PSME2: variants seen among roughly 807,000 people sequenced by gnomAD.
PSME2 encodes the protein proteasome activator subunit 2.
PSME2 carries 20 observed loss-of-function variants against 38.8 expected under a neutral mutation model. The ratio of observed to expected loss-of-function variants is 0.52; its 90% CI spans 0.36 to 0.75. The LOEUF (loss-of-function observed/expected upper bound fraction) is 0.75. Ranked by LOEUF, PSME2 falls within the 30% of genes least tolerant of loss-of-function variation. The probability of loss-of-function intolerance (pLI) is 0.00; values close to 1 mark genes in which losing one functional copy is unlikely to be tolerated. For synonymous variants in PSME2, 82 were observed against 102.5 expected (o/e 0.80, Z 1.21); for missense variants, 227 against 287.6 (o/e 0.79, Z 1.52).
At chr14:24,144,644 T>C (rs2038123664) in intron 6 of PSME2, 176 bp from the exon 7 acceptor site, 4 of 681,496 alleles carry the variant, frequency 5.9e-6, no homozygotes, top group Non-Finnish European at 5.0e-6. Flanking sequence ...GTATTTATTG[T>C]ACCCATTTAA....
chr14:24,145,200 G>C (rs921245506), intron 5 of PSME2, 43 bp downstream of exon 5: 7 of 1,612,292 alleles, frequency 4.3e-6, no homozygotes, highest in Non-Finnish European at 5.9e-6. Flanking sequence ...CCAGTAGTCA[G>C]TGTGCCATCA....
At chr14:24,146,262 G>A (rs373543853) in intron 1 of PSME2, 22 bp from the exon 2 acceptor site, 3 of 1,613,480 alleles carry the variant, frequency 1.9e-6, no homozygotes, top group Non-Finnish European at 1.7e-6. Context: ...GCAGTACCCG[G>A]ATGTTGGTTA....
intron 3 of PSME2, 47 bp downstream of exon 3, chr14:24,145,663 G>C: frequency 6.4e-7 from 1 of 1,573,964 alleles, no homozygotes. Flanking sequence ...GGTGGGCAAA[G>C]GGGATAGAGG....
At chr14:24,144,054 A>G (rs1566609129) in intron 8 of PSME2, 25 bp from the exon 9 acceptor site, 1 of 1,613,060 alleles carries the variant, frequency 6.2e-7, no homozygotes, top group South Asian at 1.1e-5. Context: ...GGAATACCAC[A>G]GGAATGAGTG....
chr14:24,145,475 G>A lies in PSME2; in HGVS notation c.145-10C>T. The A allele has an allele frequency of 6.5e-7, 1 of 1,545,704 alleles. No homozygotes were observed. The highest frequency in any genetic ancestry group is 8.7e-7 in the Non-Finnish European group (1 of 1,147,742). ...CATTGAGGGAGTCCTCCTGCACAGA[G>A]CTCACTGTCAAGGGCTGCCCAACCT... is the stretch of plus-strand genomic sequence containing the variant. On this transcript the variant is annotated splice_polypyrimidine_tract_variant and intron_variant, in intron 3 of 10. Coordinates refer to ENST00000216802, the MANE Select transcript of PSME2 (RefSeq NM_002818.3).
Position 24,145,039 on chromosome 14 carries a change from C to G in PSME2, c.360+19G>C. On this transcript the variant is annotated intron_variant, in intron 6 of 10. Transcript: ENST00000216802. ...CTTGTGTGTCTTCTCTTTCTGCTTCCCCCATTTCCCAGGCTTACCAGAATG... is the reference window on the plus strand; with the variant it reads ...CTTGTGTGTCTTCTCTTTCTGCTTCGCCCATTTCCCAGGCTTACCAGAATG... The G allele has an allele frequency of 6.3e-7, 1 of 1,596,476 alleles. No individual in the cohort carries two copies. Among genetic ancestry groups the G allele is most frequent in the South Asian group, 1.1e-5 (1 of 90,668 alleles).
At chr14:24,146,434 G>T in intron 1 of PSME2, 100 bp downstream of exon 1, 1 of 1,513,098 alleles carries the variant, frequency 6.6e-7, no homozygotes, top group Non-Finnish European at 9.1e-7. Context: ...TAGCGAGATT[G>T]GGGGAGTTCT....
chr14:24,146,610 C>T lies in PSME2; in HGVS notation c.-29G>A, dbSNP rs370337790. 1.9e-6 allele frequency: 3 copies of T among 1,611,352 alleles called. No individual in the cohort carries two copies. The highest frequency in any genetic ancestry group is 1.7e-5 in the Admixed American group (1 of 60,004). ...GCTTCAGTCGCTAGATCTCTGGTCT[C>T]CCGGCTAGTCGCCCGGGCTTTCGCT... On this transcript the variant is annotated 5_prime_UTR_variant, in exon 1 of 11. Coordinates refer to ENST00000216802, the MANE Select transcript of PSME2 (RefSeq NM_002818.3).
chr14:24,145,488 G>A (rs770661003), intron 3 of PSME2, 23 bp from the exon 4 acceptor site: 2 of 1,541,000 alleles, frequency 1.3e-6, no homozygotes, highest in Non-Finnish European at 1.7e-6. Context: ...CACTGTCAAG[G>A]GCTGCCCAAC....
At position 24,144,194 on chromosome 14, in the gene PSME2, G is replaced by A. The variant is rs780856116; in HGVS notation, c.495C>T (p.Ser165=). Reference sequence around the variant, plus strand: ...GCTGGTCCTCCAGCTGCCCTCACTTGGAAATGGTTGTCTGGAAAGCTTCCA... The same window carrying A: ...GCTGGTCCTCCAGCTGCCCTCACTTAGAAATGGTTGTCTGGAAAGCTTCCA... The part of the protein sequence containing the change: ...TKVEAFQTTI[S]KYFSERGDAV... The change falls in exon 8 of 11, where the codon TCC becomes TCT. Residue 165 remains serine, a splice_region_variant and synonymous_variant. Coordinates refer to ENST00000216802, the MANE Select transcript of PSME2 (RefSeq NM_002818.3). The A allele has an allele frequency of 1.2e-6, 2 of 1,614,222 alleles. No homozygotes were observed. Among genetic ancestry groups the A allele is most frequent in the South Asian group, 2.2e-5 (2 of 91,092 alleles).
intron 6 of PSME2, chr14:24,144,704 AC>A: frequency 1.7e-6 from 1 of 585,954 alleles, no homozygotes; most frequent in Non-Finnish European, 3.0e-6. Context: ...ACTTAAGGCT[AC>A]CAGCTAGGTA....
intron 1 of PSME2, 26 bp downstream of exon 1, chr14:24,146,508 C>T (rs1198683661): frequency 1.2e-6 from 2 of 1,613,954 alleles, no homozygotes; most frequent in South Asian, 1.1e-5. Context: ...TCTATGACCC[C>T]TTCCTGGCCT....
intron 6 of PSME2, 122 bp downstream of exon 6, chr14:24,144,936 C>T: frequency 1.0e-6 from 1 of 983,856 alleles, no homozygotes; most frequent in Non-Finnish European, 1.6e-6. Flanking sequence ...AAGCCCAAGG[C>T]ACAGAAGGAA....
chr14:24,144,069 G>A (rs2139067220), intron 8 of PSME2, 40 bp from the exon 9 acceptor site: 2 of 1,611,864 alleles, frequency 1.2e-6, no homozygotes, highest in Non-Finnish European at 1.7e-6. Flanking sequence ...TGAGTGTTCA[G>A]GGAGATGTAC....
chr14:24,146,330 A>C, intron 1 of PSME2, 90 bp from the exon 2 acceptor site: 2 of 1,533,712 alleles, frequency 1.3e-6, no homozygotes, highest in Non-Finnish European at 1.8e-6. Context: ...ACTGTGGCTC[A>C]GGCCTTTCTC....
chr14:24,143,376 T>C lies in PSME2; in HGVS notation c.*33A>G, dbSNP rs763642902. 71 of 1,578,180 alleles carry C rather than the reference T, an allele frequency of 4.5e-5. No homozygotes were observed. The highest frequency in any genetic ancestry group is 6.7e-5 in the Admixed American group (4 of 59,940). ...ACGCCAGAAGGGAATCCACACAACA[T>C]ATAGATCATTTATTTTCCTTCTAGT... On this transcript the variant is annotated 3_prime_UTR_variant, in exon 11 of 11. Transcript: ENST00000216802. The surrounding 1 kb of genome is among the most constrained non-coding windows in gnomAD (Gnocchi z 4.4).
intron 6 of PSME2, chr14:24,144,850 A>G (rs1399094912): frequency 1.3e-5 from 8 of 610,958 alleles, no homozygotes; most frequent in Non-Finnish European, 1.7e-5. Flanking sequence ...CAGAGTGGAT[A>G]CTGCACAGTC....
At chr14:24,146,438 G>A (rs1804044386) in intron 1 of PSME2, 96 bp downstream of exon 1, 1 of 1,526,932 alleles carries the variant, frequency 6.5e-7, no homozygotes, top group African/African-American at 1.4e-5. Context: ...GAGATTGGGG[G>A]AGTTCTCTGG....
At chr14:24,145,874 T>G (rs780262574) in intron 2 of PSME2, 102 bp from the exon 3 acceptor site, 1 of 1,285,616 alleles carries the variant, frequency 7.8e-7, no homozygotes, top group Non-Finnish European at 1.1e-6. Context: ...GGTCCAAGAC[T>G]TGCAAATGAG....
Sources: allele counts gnomAD v4.1 joint callset, GRCh38; gene constraint gnomAD v4.1.1; non-coding constraint Gnocchi (gnomAD v3.1); transcripts MANE v1.5; gene names NCBI Gene and HGNC (gene_info 2026-07-23, HGNC 2026-07-21).